The following RABGAP1L variants were observed in gnomAD, a reference collection of about 807,000 sequenced individuals.
RABGAP1L encodes the protein rab GTPase-activating protein 1-like.
In RABGAP1L, 63 loss-of-function variants were observed where a neutral mutation model predicts 137.7. The ratio of observed to expected loss-of-function variants is 0.46; its 90% CI spans 0.37 to 0.56. RABGAP1L has a LOEUF of 0.56. RABGAP1L is among the 20% of genes least tolerant of loss of function. The pLI, the probability that RABGAP1L is intolerant of heterozygous loss-of-function variation, is 0.00. For synonymous variants in RABGAP1L, 431 were observed against 433.7 expected (o/e 0.99, Z 0.08); for missense variants, 1,095 against 1,244.0 (o/e 0.88, Z 1.80).
At chr1:174,879,760 GCAAAA>G (rs2149082863) in intron 19 of RABGAP1L, among the ~76,000 whole-genome samples, 1 of 152,186 alleles carries the variant, frequency 6.6e-6, no homozygotes, top group Non-Finnish European at 1.5e-5. Context: ...TTTGCAAAAA[GCAAAA>G]CAGATATAAA....
At chr1:174,568,693 G>A (rs949754117) in intron 13 of RABGAP1L, among the ~76,000 whole-genome samples, 2 of 152,090 alleles carry the variant, frequency 1.3e-5, no homozygotes, top group African/African-American at 2.4e-5. Context: ...AAGACTGAGT[G>A]TGTGTGTGTA....
chr1:174,171,878 G>A (rs1665420328), intron 1 of RABGAP1L, among the ~76,000 whole-genome samples: 1 of 152,064 alleles, frequency 6.6e-6, no homozygotes, highest in Non-Finnish European at 1.5e-5. Flanking sequence ...GCATGTGCCT[G>A]TAATCCCAGC....
chr1:174,496,872 T>C (rs779590083), intron 13 of RABGAP1L, among the ~76,000 whole-genome samples: 19 of 152,086 alleles, frequency 1.2e-4, no homozygotes, highest in Non-Finnish European at 2.4e-4. Context: ...GTTGGTAAAT[T>C]TGTGACAACT....
At chr1:174,218,621 A>G (rs1004750579) in intron 1 of RABGAP1L, among the ~76,000 whole-genome samples, 47 of 152,294 alleles carry the variant, frequency 3.1e-4, no homozygotes, top group African/African-American at 1.1e-3. Flanking sequence ...TGAATTCTGT[A>G]TTAGTCAACT....
At chr1:174,199,205 A>G (rs1407734547) in intron 1 of RABGAP1L, among the ~76,000 whole-genome samples, 1 of 152,226 alleles carries the variant, frequency 6.6e-6, no homozygotes, top group East Asian at 1.9e-4. Context: ...TTATGGACAT[A>G]TCAGACCTGA....
chr1:174,173,965 T>G (rs1045371546), intron 1 of RABGAP1L, among the ~76,000 whole-genome samples: 1 of 141,752 alleles, frequency 7.1e-6, no homozygotes, highest in African/African-American at 3.2e-5. Context: ...CTCTGAAACA[T>G]TACAAAAGCC....
In RABGAP1L at chr1:174,817,553, T is replaced by C. The variant is rs1035565272; in HGVS notation, c.2340+5593T>C. Among the ~76,000 whole-genome samples, 4 of 152,024 alleles carry C rather than the reference T, an allele frequency of 2.6e-5. No individual in the cohort carries two copies. The East Asian group carries it at 5.8e-4, about 22-fold the overall frequency. On this transcript the variant is annotated intron_variant, in intron 19 of 25. Transcript: ENST00000681986. ...TTAGGGGAGTAGATAGAGAAAAGAC[T>C]AGAGAGGTAAGCAGGAGCCAGCCAG...
intron 17 of RABGAP1L, among the ~76,000 whole-genome samples, chr1:174,707,690 A>C (rs920993288): frequency 6.6e-6 from 1 of 152,192 alleles, no homozygotes; most frequent in Non-Finnish European, 1.5e-5. Context: ...TTCAATTAAT[A>C]ATAACATTGC....
rs1039272636 is a variant in RABGAP1L, at chr1:174,635,899, A to C, written c.1711-1476A>C. 7.2e-4 allele frequency among the ~76,000 whole-genome samples: 109 copies of C among 152,338 alleles called. 1 individual carries two copies. Among genetic ancestry groups the C allele is most frequent in the African/African-American group, 2.4e-3 (101 of 41,590 alleles). The stretch of plus-strand genomic sequence containing the variant: ...ATACTTCGCAGCTATCAAGAGAAAG[A>C]AAAATGGCATTCATTAAAATAACAT... On this transcript the variant is annotated intron_variant, in intron 13 of 25. Coordinates refer to ENST00000681986, the MANE Select transcript of RABGAP1L (RefSeq NM_001366446.1).
intron 11 of RABGAP1L, among the ~76,000 whole-genome samples, chr1:174,339,822 A>G (rs749135826): frequency 7.9e-5 from 12 of 151,946 alleles, no homozygotes; most frequent in Middle Eastern, 3.4e-3. Flanking sequence ...GGCTATGCTG[A>G]TCTCGTACTC....
chr1:174,434,145 A>G (rs1156361359), intron 13 of RABGAP1L, among the ~76,000 whole-genome samples: 1 of 148,176 alleles, frequency 6.7e-6, no homozygotes, highest in Non-Finnish European at 1.5e-5. Flanking sequence ...ACACACACAC[A>G]CACACACCCT....
At chr1:174,433,320 A>G (rs1345149924) in intron 13 of RABGAP1L, among the ~76,000 whole-genome samples, 2 of 152,200 alleles carry the variant, frequency 1.3e-5, no homozygotes, top group Non-Finnish European at 2.9e-5. Flanking sequence ...TATGAGAAGA[A>G]AGGTCATACT....
chr1:174,200,434 A>G (rs563516654), intron 1 of RABGAP1L, among the ~76,000 whole-genome samples: 2 of 152,256 alleles, frequency 1.3e-5, no homozygotes, highest in Non-Finnish European at 2.9e-5. Flanking sequence ...AAAATTAAAA[A>G]GAAATCTGTA....
intron 13 of RABGAP1L, among the ~76,000 whole-genome samples, chr1:174,462,414 A>T (rs1656790292): frequency 6.6e-6 from 1 of 152,152 alleles, no homozygotes; most frequent in African/African-American, 2.4e-5. Flanking sequence ...TTACATTGTT[A>T]TCTCCCTTCA....
chr1:174,549,313 A>G (rs1666255664), intron 13 of RABGAP1L, among the ~76,000 whole-genome samples: 1 of 152,130 alleles, frequency 6.6e-6, no homozygotes, highest in Admixed American at 6.6e-5. Flanking sequence ...GACTATTTCA[A>G]TTTTTTCTTA....
At chr1:174,768,233 C>G (rs550098134) in intron 18 of RABGAP1L, among the ~76,000 whole-genome samples, 7 of 152,208 alleles carry the variant, frequency 4.6e-5, no homozygotes, top group Non-Finnish European at 8.8e-5. Flanking sequence ...CAGACATGAA[C>G]AGGACAGGAG....
chr1:174,397,396 T>C (rs1647999512), intron 13 of RABGAP1L, among the ~76,000 whole-genome samples: 1 of 152,108 alleles, frequency 6.6e-6, no homozygotes, highest in African/African-American at 2.4e-5. Flanking sequence ...TCTCAATCAC[T>C]TGCCTTCACT....
intron 14 of RABGAP1L, among the ~76,000 whole-genome samples, chr1:174,638,161 G>A (rs762560024): frequency 6.6e-6 from 1 of 152,148 alleles, no homozygotes; most frequent in Admixed American, 6.6e-5. Context: ...TAAAGAGATG[G>A]TTAATGAATA....
intron 13 of RABGAP1L, among the ~76,000 whole-genome samples, chr1:174,566,205 A>C (rs1350240889): frequency 6.6e-6 from 1 of 152,198 alleles, no homozygotes. Context: ...CAAGAGAAGA[A>C]ATTCCAATTT....
Sources: allele counts gnomAD v4.1 joint callset (sites outside exome capture counted in the v4.1 genomes callset), GRCh38; gene constraint gnomAD v4.1.1; transcripts MANE v1.5; gene names NCBI Gene and HGNC (gene_info 2026-07-23, HGNC 2026-07-21).